Variants in SEM1 observed in about 807,000 individuals in gnomAD.
SEM1 encodes the protein 26S proteasome complex subunit SEM1.
Under a neutral mutation model 12.7 loss-of-function variants are expected in SEM1, and 3 were observed. The observed-to-expected ratio is 0.24, with a 90% confidence interval of 0.11 to 0.61. The LOEUF is 0.61. Ranked by LOEUF, SEM1 falls within the 20% of genes least tolerant of loss-of-function variation. The pLI, the probability that SEM1 is intolerant of heterozygous loss-of-function variation, is 0.88. For synonymous variants in SEM1, 30 were observed against 27.8 expected, an observed-to-expected ratio of 1.08 and a Z score of -0.25; for missense variants, 59 against 81.3, an observed-to-expected ratio of 0.73 and a Z score of 1.06.
chr7:96,546,154 C>A lies in SEM1; in HGVS notation c.171-39456G>T, dbSNP rs1053414237. Among the ~76,000 whole-genome samples, 4 of 152,130 alleles carry A rather than the reference C, an allele frequency of 2.6e-5. No individual in the cohort carries two copies. In the South Asian group the frequency reaches 6.2e-4, roughly 24 times the overall value. On this transcript the variant is annotated intron_variant and NMD_transcript_variant, in intron 2 of 3. Coordinates refer to the SEM1 transcript ENST00000466986. ...TTGAATCTTGAAGCGATCAATGAGG[C>A]AAATTCAGATAAAGAGAACCCAACA...
intron 3 of SEM1, chr7:96,503,485 C>T (rs1051328552): frequency 1.3e-5 from 2 of 152,144 alleles, no homozygotes; most frequent in Admixed American, 1.3e-4. Context: ...AAACTCACCA[C>T]TTTTGTTTTC....
At chr7:96,506,497 C>T (rs1803758350) in intron 3 of SEM1, 2 of 151,934 alleles carry the variant, frequency 1.3e-5, no homozygotes, top group South Asian at 4.2e-4. Context: ...TGTTAGAAAA[C>T]TTCAAAATGT....
intron 2 of SEM1, among the ~76,000 whole-genome samples, chr7:96,613,175 A>C (rs762782690): frequency 3.9e-5 from 6 of 152,200 alleles, no homozygotes; most frequent in Non-Finnish European, 7.3e-5. Flanking sequence ...TTATAACTCT[A>C]TATATTGTAG....
chr7:96,502,325 C>A (rs1803591712), intron 3 of SEM1, among the ~76,000 whole-genome samples: 1 of 151,992 alleles, frequency 6.6e-6, no homozygotes, highest in Non-Finnish European at 1.5e-5. Context: ...TTTGTAAGAT[C>A]CTCTCAAAGT....
intron 2 of SEM1, among the ~76,000 whole-genome samples, chr7:96,554,922 T>C (rs6465520): frequency 0.5 from 58,657 of 116,264 alleles, 17,264 homozygotes; most frequent in Non-Finnish European, 0.65. Flanking sequence ...TGGTTTAGTC[T>C]TGGGAGAGTG....
At chr7:96,684,569 G>A (rs529953083), downstream of SEM1, among the ~76,000 whole-genome samples, 1 of 152,174 alleles carries the variant, frequency 6.6e-6, no homozygotes, top group East Asian at 1.9e-4. Context: ...ATGCATTTGA[G>A]GCAGAGTTGA....
rs79792715 is a variant in SEM1, at chr7:96,573,595, C to A, written c.171-66897G>T. On this transcript the variant is annotated intron_variant and NMD_transcript_variant, in intron 2 of 3. Coordinates refer to the SEM1 transcript ENST00000466986. ...TCTTTAAGAATGTTGAATATTGGCC[C>A]CCCTCTCTTCTACCTTTTAGGGTTT... Among the ~76,000 whole-genome samples, 8 of 152,202 alleles carry A rather than the reference C, an allele frequency of 5.3e-5. No homozygotes were observed. The East Asian group carries it at 1.5e-3, about 29-fold the overall frequency.
intron 2 of SEM1, chr7:96,558,058 C>G (rs1294921698): frequency 6.5e-6 from 1 of 154,090 alleles, no homozygotes; most frequent in Non-Finnish European, 1.4e-5. Context: ...GCACACGGTG[C>G]GCACACCCAC....
chr7:96,626,304 C>T (rs1454523768), intron 2 of SEM1, among the ~76,000 whole-genome samples: 1 of 152,114 alleles, frequency 6.6e-6, no homozygotes, highest in Non-Finnish European at 1.5e-5. Flanking sequence ...TTTTATTTCA[C>T]TTAACATAAT....
At position 96,664,271 on chromosome 7, in the gene SEM1, C is replaced by T. The variant is rs1489633817; in HGVS notation, c.170+30527G>A. On this transcript the variant is annotated intron_variant, in intron 2 of 2. Transcript: ENST00000417009. ...AGGAAGGTGTTAGCCGACTGCATTC[C>T]TTCCTGGAGGCTCTAGGAGAGAATC... 2.0e-5 allele frequency: 3 copies of T among 152,308 alleles called. No individual in the cohort carries two copies. The East Asian group carries it at 5.8e-4, about 29-fold the overall frequency. The allele number at this position is 152,308 out of a possible 1,614,324, so 9.4% of individuals were successfully genotyped here. A position where few individuals can be genotyped will look rare whatever the true frequency, so the allele number is the denominator to read the frequency against.
intron 2 of SEM1, among the ~76,000 whole-genome samples, chr7:96,594,614 A>G (rs1286705661): frequency 6.6e-6 from 1 of 152,176 alleles, no homozygotes; most frequent in Non-Finnish European, 1.5e-5. Flanking sequence ...GCACCTTCCA[A>G]ATATTAAGTG....
intron 2 of SEM1, chr7:96,650,579 C>T (rs1808943985): frequency 1.4e-6 from 1 of 712,344 alleles, no homozygotes; most frequent in Admixed American, 2.0e-5. Flanking sequence ...TTGTAAATAA[C>T]AACAACAACA....
At chr7:96,686,935 T>G (rs1789775256), downstream of SEM1, among the ~76,000 whole-genome samples, 1 of 152,076 alleles carries the variant, frequency 6.6e-6, no homozygotes, top group South Asian at 2.1e-4. Flanking sequence ...CTCAAACAAA[T>G]TTACAAGAAA....
chr7:96,496,967 C>T (rs1026822064), upstream of SEM1, among the ~76,000 whole-genome samples: 1 of 151,408 alleles, frequency 6.6e-6, no homozygotes, highest in Non-Finnish European at 1.5e-5. Context: ...GCGTATTCTT[C>T]CTGGGTCTCC....
rs909739779 is a variant in SEM1 at position 96,486,373 on chromosome 7, C to A, written c.57G>T (p.Val19=). Reference sequence around the variant, plus strand: ...CCCTTTTTATGCCATGCTTTCTTCCCACTTTTCCTCCTTGTACAGCAAACA... The same window carrying A: ...CCCTTTTTATGCCATGCTTTCTTCCAACTTTTCCTCCTTGTACAGCAAACA... The change falls in exon 2 of 4, where the codon GTG becomes GTT. Residue 19 remains valine, a synonymous_variant. Coordinates refer to the SEM1 transcript ENST00000356686. 7.2e-6 allele frequency: 11 copies of A among 1,536,870 alleles called. No individual in the cohort carries two copies. In the Admixed American group the frequency reaches 2.2e-4, roughly 30 times the overall value.
upstream of SEM1, among the ~76,000 whole-genome samples, chr7:96,497,616 A>G (rs1803343064): frequency 6.6e-6 from 1 of 152,182 alleles, no homozygotes; most frequent in Non-Finnish European, 1.5e-5. Context: ...CAAAGACTTC[A>G]ACTTCTGGCT....
exon 4 of SEM1, chr7:96,483,273 A>C (rs1480447907): frequency 6.5e-6 from 1 of 152,880 alleles, no homozygotes; most frequent in African/African-American, 2.4e-5. Flanking sequence ...GAAGAGGTTT[A>C]GTAGCTGGCT....
intron 2 of SEM1, among the ~76,000 whole-genome samples, chr7:96,674,503 C>T (rs1156948320): frequency 1.3e-5 from 2 of 151,560 alleles, no homozygotes; most frequent in Non-Finnish European, 2.9e-5. Flanking sequence ...AAAAAACAAA[C>T]AAACAAAAAA....
At chr7:96,624,669 TC>T (rs1397201106) in intron 2 of SEM1, among the ~76,000 whole-genome samples, 1 of 152,184 alleles carries the variant, frequency 6.6e-6, no homozygotes, top group Non-Finnish European at 1.5e-5. Flanking sequence ...TTTCAGGATG[TC>T]CCCTTCCAAC....
Sources: gnomAD v4.1 joint callset for allele counts (sites outside exome capture counted in the v4.1 genomes callset) on GRCh38, gnomAD v4.1.1 for gene constraint, MANE v1.5 for transcripts, NCBI Gene and HGNC (gene_info 2026-07-23, HGNC 2026-07-21) for gene names.